RGS6: variants seen among roughly 807,000 people sequenced by gnomAD.
RGS6 encodes the protein regulator of G protein signaling 6, also known as regulator of G-protein signaling 6.
RGS6 carries 30 observed loss-of-function variants against 78.5 expected under a neutral mutation model. The ratio of observed to expected loss-of-function variants is 0.38; its 90% CI spans 0.29 to 0.52. RGS6 has a LOEUF of 0.52. RGS6 is among the 20% of genes least tolerant of loss of function. The pLI, the probability that RGS6 is intolerant of heterozygous loss-of-function variation, is 0.85. For missense variants in RGS6, 495 were observed against 609.7 expected (o/e 0.81, Z 1.98); for synonymous variants, 206 against 206.0 (o/e 1.00, Z 0.00).
intron 2 of RGS6, among the ~76,000 whole-genome samples, chr14:72,284,683 G>T (rs1463326670): frequency 6.6e-6 from 1 of 152,178 alleles, no homozygotes; most frequent in East Asian, 1.9e-4. Flanking sequence ...TCCCCACAGG[G>T]GCACTGCCTA....
chr14:72,221,026 A>G (rs1408518673), intron 2 of RGS6, among the ~76,000 whole-genome samples: 2 of 152,188 alleles, frequency 1.3e-5, no homozygotes, highest in African/African-American at 2.4e-5. Flanking sequence ...TGAAGACCTT[A>G]GAAAGACCTT....
chr14:72,292,447 C>T (rs556701516), intron 2 of RGS6, among the ~76,000 whole-genome samples: 6 of 152,190 alleles, frequency 3.9e-5, no homozygotes, highest in African/African-American at 7.2e-5. Context: ...GAATTAAAAA[C>T]GGCTGAGAAA....
intron 2 of RGS6, among the ~76,000 whole-genome samples, chr14:72,343,764 A>G (rs1456929972): frequency 6.6e-6 from 1 of 152,190 alleles, no homozygotes; most frequent in Non-Finnish European, 1.5e-5. Flanking sequence ...TTTATCCAGC[A>G]GTCTCACTTG....
intron 3 of RGS6, among the ~76,000 whole-genome samples, chr14:72,374,696 C>G (rs1354129329): frequency 6.6e-6 from 1 of 152,114 alleles, no homozygotes; most frequent in Non-Finnish European, 1.5e-5. Flanking sequence ...CAGCAAAGAG[C>G]ACAAATGGCA....
At chr14:72,032,778 C>T (rs1432424652) in intron 2 of RGS6, among the ~76,000 whole-genome samples, 1 of 152,110 alleles carries the variant, frequency 6.6e-6, no homozygotes. Flanking sequence ...TAGCTTATTG[C>T]CAGATTTCCT....
At chr14:72,511,274 G>T (rs992529879) in intron 14 of RGS6, among the ~76,000 whole-genome samples, 2 of 152,168 alleles carry the variant, frequency 1.3e-5, no homozygotes, top group Admixed American at 1.3e-4. Flanking sequence ...TTTCAATATT[G>T]TATTACTTTA....
intron 2 of RGS6, among the ~76,000 whole-genome samples, chr14:71,974,032 T>C (rs1006910077): frequency 1.3e-5 from 2 of 152,206 alleles, no homozygotes; most frequent in African/African-American, 4.8e-5. Context: ...GTTTACGTCT[T>C]CATTTAATCT....
At chr14:71,995,091 C>T (rs2095139282) in intron 2 of RGS6, among the ~76,000 whole-genome samples, 1 of 152,168 alleles carries the variant, frequency 6.6e-6, no homozygotes, top group Non-Finnish European at 1.5e-5. Context: ...TGGGCATCTT[C>T]AGCACCAGCA....
chr14:72,250,106 G>A (rs1340525306), intron 2 of RGS6, among the ~76,000 whole-genome samples: 2 of 111,618 alleles, frequency 1.8e-5, no homozygotes, highest in Non-Finnish European at 3.5e-5. Context: ...GGGGGGAGGG[G>A]GGAGGGATAG....
chr14:72,377,129 C>T (rs1306780641), intron 3 of RGS6, among the ~76,000 whole-genome samples: 2 of 151,956 alleles, frequency 1.3e-5, no homozygotes, highest in African/African-American at 4.8e-5. Flanking sequence ...ATTAAAAATA[C>T]AAGATACAAT....
At chr14:71,989,803 G>A (rs184174325) in intron 2 of RGS6, among the ~76,000 whole-genome samples, 13 of 152,272 alleles carry the variant, frequency 8.5e-5, no homozygotes, top group Non-Finnish European at 1.6e-4. Flanking sequence ...CGAATTTCAC[G>A]TTGTAGATGG....
intron 3 of RGS6, among the ~76,000 whole-genome samples, chr14:72,404,053 G>T (rs192193028): frequency 2.9e-3 from 438 of 152,316 alleles, no homozygotes; most frequent in African/African-American, 0.01. Flanking sequence ...ATACAAGAAG[G>T]TTTCCCTGAC....
intron 2 of RGS6, among the ~76,000 whole-genome samples, chr14:72,314,290 T>G (rs560006405): frequency 5.1e-4 from 78 of 152,316 alleles, no homozygotes; most frequent in African/African-American, 1.7e-3. Context: ...TCTGCTGCTC[T>G]CTTGGCTTTT....
At chr14:71,919,609 G>A in the RGS6 span, among the ~76,000 whole-genome samples, 1 of 152,214 alleles carries the variant, frequency 6.6e-6, no homozygotes, top group African/African-American at 2.4e-5. Flanking sequence ...ACATGTGTGT[G>A]CTGGGGGTGG....
intron 2 of RGS6, among the ~76,000 whole-genome samples, chr14:72,106,654 C>T (rs983906886): frequency 3.9e-5 from 6 of 152,160 alleles, no homozygotes; most frequent in Non-Finnish European, 5.9e-5. Context: ...TATCCCTAGC[C>T]GCAATCATTT....
At chr14:72,433,377 A>G (rs2094744117) in intron 3 of RGS6, among the ~76,000 whole-genome samples, 1 of 151,934 alleles carries the variant, frequency 6.6e-6, no homozygotes, top group Admixed American at 6.6e-5. Context: ...AAAAATAACT[A>G]ATGCATGCTG....
At chr14:72,581,601 C>G in the RGS6 span, among the ~76,000 whole-genome samples, 1 of 152,194 alleles carries the variant, frequency 6.6e-6, no homozygotes, top group Non-Finnish European at 1.5e-5. Context: ...CTTGCACATG[C>G]GTGAACCTAG....
intron 2 of RGS6, among the ~76,000 whole-genome samples, chr14:72,322,850 A>G (rs2072486064): frequency 6.6e-6 from 1 of 152,112 alleles, no homozygotes; most frequent in Non-Finnish European, 1.5e-5. Flanking sequence ...ATCTTGATGA[A>G]AAACTCATAA....
chr14:72,101,712 A>G (rs185288499), intron 2 of RGS6, among the ~76,000 whole-genome samples: 1 of 152,304 alleles, frequency 6.6e-6, no homozygotes, highest in Admixed American at 6.5e-5. Flanking sequence ...CTTCTCTGCT[A>G]TGGACTGAAT....
Sources: allele counts gnomAD v4.1 joint callset (sites outside exome capture counted in the v4.1 genomes callset), GRCh38; gene constraint gnomAD v4.1.1; transcripts MANE v1.5; gene names NCBI Gene and HGNC (gene_info 2026-07-23, HGNC 2026-07-21).